Variants in LOC400499 observed in about 807,000 individuals in gnomAD.
chr16:11,460,010 C>G, the LOC400499 span: 1 of 1,497,600 alleles, frequency 6.7e-7, no homozygotes, highest in East Asian at 2.5e-5. Context: ...TCACCTCCAG[C>G]TGTGAGTGCA....
At chr16:11,489,803 T>C in the LOC400499 span, among the ~76,000 whole-genome samples, 3 of 152,332 alleles carry the variant, frequency 2.0e-5, no homozygotes, top group South Asian at 6.2e-4. Context: ...CTCTTCAGAA[T>C]GTAATTCAGC....
the LOC400499 span, among the ~76,000 whole-genome samples, chr16:11,409,881 A>C: frequency 6.6e-6 from 1 of 151,930 alleles, no homozygotes; most frequent in African/African-American, 2.4e-5. Context: ...GTAACAGATA[A>C]GAAAGATGGA....
the LOC400499 span, among the ~76,000 whole-genome samples, chr16:11,447,090 A>C: frequency 6.6e-6 from 1 of 152,104 alleles, no homozygotes; most frequent in Non-Finnish European, 1.5e-5. Flanking sequence ...GGCATCCAGA[A>C]CCCTTCACCA....
At chr16:11,438,845 A>C in the LOC400499 span, among the ~76,000 whole-genome samples, 520 of 152,250 alleles carry the variant, frequency 3.4e-3, 2 homozygotes, top group Non-Finnish European at 5.3e-3. Flanking sequence ...CTGTAATCTT[A>C]GCACTTTGGA....
At chr16:11,429,754 A>G in the LOC400499 span, among the ~76,000 whole-genome samples, 1 of 152,018 alleles carries the variant, frequency 6.6e-6, no homozygotes, top group Non-Finnish European at 1.5e-5. Context: ...GATTACAGGC[A>G]TGAGCCACCA....
At chr16:11,458,131 G>A in the LOC400499 span, among the ~76,000 whole-genome samples, 1 of 152,212 alleles carries the variant, frequency 6.6e-6, no homozygotes, top group South Asian at 2.1e-4. Context: ...GATCACCCGA[G>A]GTCAGGAGTT....
chr16:11,380,490 C>T, the LOC400499 span, among the ~76,000 whole-genome samples: 10 of 151,852 alleles, frequency 6.6e-5, no homozygotes, highest in Non-Finnish European at 1.5e-5. Flanking sequence ...TGCACCACTG[C>T]ACTCCAGCCT....
the LOC400499 span, among the ~76,000 whole-genome samples, chr16:11,481,944 C>G: frequency 6.6e-6 from 1 of 151,994 alleles, no homozygotes; most frequent in Admixed American, 6.5e-5. Flanking sequence ...CAATTGCTCA[C>G]GTTAAAATGG....
the LOC400499 span, among the ~76,000 whole-genome samples, chr16:11,376,555 T>C: frequency 2.6e-5 from 4 of 152,362 alleles, no homozygotes; most frequent in South Asian, 8.3e-4. Context: ...GGTCTGTATG[T>C]ATGTCTTTAC....
chr16:11,511,908 T>C, the LOC400499 span, among the ~76,000 whole-genome samples: 661 of 152,106 alleles, frequency 4.3e-3, 5 homozygotes, highest in African/African-American at 0.015. Flanking sequence ...ACAGCTGTAC[T>C]GGGGAGGCTG....
the LOC400499 span, chr16:11,508,886 A>G: frequency 3.1e-4 from 123 of 399,036 alleles, no homozygotes; most frequent in African/African-American, 1.6e-3. Context: ...TGGGATGACC[A>G]TATGGGGAAA....
the LOC400499 span, among the ~76,000 whole-genome samples, chr16:11,468,084 G>C: frequency 2.0e-5 from 3 of 151,446 alleles, no homozygotes; most frequent in African/African-American, 7.3e-5. Context: ...AGCCTTCACA[G>C]GTGGGGAAAA....
At chr16:11,382,330 A>G in the LOC400499 span, among the ~76,000 whole-genome samples, 1 of 152,290 alleles carries the variant, frequency 6.6e-6, no homozygotes, top group South Asian at 2.1e-4. Context: ...AAGGTTTTAA[A>G]TGTCTGAATG....
At chr16:11,467,217 T>G in the LOC400499 span, 1 of 149,688 alleles carries the variant, frequency 6.7e-6, no homozygotes, top group African/African-American at 2.5e-5. Flanking sequence ...CCTCCCCAAG[T>G]GTTGGGATTA....
At chr16:11,424,564 C>T in the LOC400499 span, among the ~76,000 whole-genome samples, 1 of 152,254 alleles carries the variant, frequency 6.6e-6, no homozygotes, top group African/African-American at 2.4e-5. Context: ...GCGATTTCAT[C>T]TGGTCCAACC....
chr16:11,462,260 C>T, the LOC400499 span: 2 of 1,522,584 alleles, frequency 1.3e-6, no homozygotes, highest in Non-Finnish European at 1.8e-6. Flanking sequence ...CGCCTGGAAC[C>T]GCTCAGCCTC....
chr16:11,406,222 C>A, the LOC400499 span, among the ~76,000 whole-genome samples: 1 of 152,124 alleles, frequency 6.6e-6, no homozygotes, highest in Non-Finnish European at 1.5e-5. Flanking sequence ...TCTTTATGTC[C>A]ATGTGTATTC....
At chr16:11,479,919 G>A in the LOC400499 span, among the ~76,000 whole-genome samples, 1 of 152,076 alleles carries the variant, frequency 6.6e-6, no homozygotes, top group Non-Finnish European at 1.5e-5. Flanking sequence ...TTTAGTCTTT[G>A]ATTGTTTTTC....
At chr16:11,494,481 C>G in the LOC400499 span, 267 of 319,324 alleles carry the variant, frequency 8.4e-4, no homozygotes, top group Middle Eastern at 2.5e-3. Flanking sequence ...AAGGGGGGAA[C>G]CCACCCCCAC....
Sources: allele counts gnomAD v4.1 joint callset (sites outside exome capture counted in the v4.1 genomes callset), GRCh38; gene constraint gnomAD v4.1.1; transcripts MANE v1.5.